The following FNBP1 variants were observed in gnomAD, a reference collection of about 807,000 sequenced individuals.
The protein encoded by FNBP1 is formin binding protein 1.
In FNBP1, 26 loss-of-function variants were observed where a neutral mutation model predicts 90.6. The ratio of observed to expected loss-of-function variants is 0.29; its 90% CI spans 0.21 to 0.40. The LOEUF (loss-of-function observed/expected upper bound fraction) is 0.40. FNBP1 is among the 10% of genes least tolerant of loss of function. The pLI, the probability that FNBP1 is intolerant of heterozygous loss-of-function variation, is 1.00. For synonymous variants in FNBP1, 260 were observed against 265.2 expected (o/e 0.98, Z 0.19); for missense variants, 635 against 768.0 (o/e 0.83, Z 2.05).
Position 130,043,020 on chromosome 9 carries a change from C to T in FNBP1, c.-45G>A, listed in dbSNP as rs2059982033. The T allele has an allele frequency of 8.2e-7, 1 of 1,223,934 alleles. No homozygotes were observed. The highest frequency in any genetic ancestry group is 1.6e-5 in the African/African-American group (1 of 63,956). The allele number at this position is 1,223,934 out of a possible 1,614,324, so 75.8% of individuals were successfully genotyped here. A position where few individuals can be genotyped will look rare whatever the true frequency, so the allele number is the denominator to read the frequency against. On this transcript the variant is annotated 5_prime_UTR_variant, in exon 1 of 17. Transcript: ENST00000446176. ...GGCGCTCCGCGCGGCGGGCGCGGCT[C>T]TCTGGTCCCCCTCCCCGGCGATCCC... is the stretch of plus-strand genomic sequence containing the variant.
intron 4 of FNBP1, among the ~76,000 whole-genome samples, chr9:129,959,515 G>A (rs2047472677): frequency 6.6e-6 from 1 of 152,070 alleles, no homozygotes; most frequent in Non-Finnish European, 1.5e-5. Flanking sequence ...CTTGAACCTG[G>A]GAGGCAGAGG....
chr9:130,044,384 G>A (rs867088483), upstream of FNBP1, among the ~76,000 whole-genome samples: 2 of 152,062 alleles, frequency 1.3e-5, no homozygotes, highest in Admixed American at 6.6e-5. Context: ...AGCACATCAG[G>A]AGGCCCAGGT....
intron 8 of FNBP1, 132 bp from the exon 9 acceptor site, chr9:129,925,289 G>A (rs948186191): frequency 6.0e-6 from 4 of 662,500 alleles, no homozygotes; most frequent in Admixed American, 2.7e-5. Flanking sequence ...GGTGGATCAC[G>A]AGGTCAGGAG....
intron 13 of FNBP1, among the ~76,000 whole-genome samples, chr9:129,902,536 G>A (rs1564273652): frequency 6.6e-6 from 1 of 152,158 alleles, no homozygotes; most frequent in African/African-American, 2.4e-5. Flanking sequence ...AGGCTGCAGT[G>A]AGCTACAAGC....
intron 1 of FNBP1, among the ~76,000 whole-genome samples, chr9:130,012,116 G>C (rs1204981239): frequency 4.6e-5 from 7 of 152,220 alleles, no homozygotes; most frequent in Non-Finnish European, 8.8e-5. Context: ...TTTGATTTAG[G>C]ATAGATGTAG....
Position 129,973,746 on chromosome 9 carries a change from G to T in FNBP1, c.345+4719C>A, listed in dbSNP as rs373604313. Among the ~76,000 whole-genome samples, 8 of 148,760 alleles carry T rather than the reference G, an allele frequency of 5.4e-5. No homozygotes were observed. The East Asian group carries it at 6.0e-4, about 11-fold the overall frequency. ...TCTCGATCTCCTGACCTCATGATCC[G>T]CCTGCCTTGGCCTCCCAAAGTGCTG... On this transcript the variant is annotated intron_variant, in intron 4 of 16. Transcript: ENST00000446176.
At chr9:130,039,082 T>C (rs1261643149) in intron 1 of FNBP1, among the ~76,000 whole-genome samples, 1 of 152,208 alleles carries the variant, frequency 6.6e-6, no homozygotes, top group Non-Finnish European at 1.5e-5. Flanking sequence ...GTGAACATAT[T>C]TACCTTACTA....
chr9:130,009,567 C>G (rs1200345822), intron 1 of FNBP1, among the ~76,000 whole-genome samples: 1 of 151,942 alleles, frequency 6.6e-6, no homozygotes, highest in African/African-American at 2.4e-5. Context: ...CTTCAGGAGA[C>G]CAAGGCGGGC....
chr9:130,050,536 C>T, the FNBP1 span, among the ~76,000 whole-genome samples: 1 of 151,958 alleles, frequency 6.6e-6, no homozygotes, highest in African/African-American at 2.4e-5. Context: ...TGTTTCAAGC[C>T]AAAGAATGAA....
Position 129,939,421 on chromosome 9 carries a change from CAT to C in FNBP1, c.514-9728_514-9727del, listed in dbSNP as rs1405109775. ...TAAAAAAATCTTGCATATGTTATCA[CAT>C]GTTATTCAGTAATATACTGTCAATG... is the stretch of plus-strand genomic sequence containing the variant. On this transcript the variant is annotated intron_variant, in intron 6 of 16. Coordinates refer to ENST00000446176, the MANE Select transcript of FNBP1 (RefSeq NM_015033.3). Among the ~76,000 whole-genome samples, 8 of 152,042 alleles carry C rather than the reference CAT, an allele frequency of 5.3e-5. No individual in the cohort carries two copies. In the East Asian group the frequency reaches 1.5e-3, roughly 29 times the overall value.
intron 12 of FNBP1, among the ~76,000 whole-genome samples, chr9:129,907,609 GTGTGTGTGTGTGT>G (rs2038377715): frequency 1.3e-5 from 2 of 151,494 alleles, no homozygotes; most frequent in Non-Finnish European, 3.0e-5. Context: ...GTGTGTGTGT[GTGTGTGTGTGTGT>G]GTGTTATTTG....
At chr9:129,919,218 C>A (rs757401120) in intron 10 of FNBP1, 2 of 1,301,678 alleles carry the variant, frequency 1.5e-6, no homozygotes, top group South Asian at 1.2e-5. Context: ...TTCATGAGTT[C>A]TTTGTGAAAA....
chr9:130,017,649 G>A (rs570181806), intron 1 of FNBP1, among the ~76,000 whole-genome samples: 3 of 151,978 alleles, frequency 2.0e-5, no homozygotes, highest in Admixed American at 6.5e-5. Flanking sequence ...GGCCAACATC[G>A]CGAAACCCAG....
At chr9:130,013,659 A>G (rs1370350475) in intron 1 of FNBP1, 2 of 455,472 alleles carry the variant, frequency 4.4e-6, no homozygotes, top group African/African-American at 2.0e-5. Flanking sequence ...TTATAGCAGC[A>G]TAATTCATGC....
rs2059989944 is a variant in FNBP1, at chr9:130,043,118, G to A, written c.-143C>T. 3.1e-6 allele frequency: 2 copies of A among 644,962 alleles called. No individual in the cohort carries two copies. Among genetic ancestry groups the A allele is most frequent in the South Asian group, 8.1e-5 (1 of 12,374 alleles). 40.0% of individuals were successfully genotyped at this position (644,962 alleles called of 1,614,324 possible). A position where few individuals can be genotyped will look rare whatever the true frequency, so the allele number is the denominator to read the frequency against. ...GGCCTCCTCCGGCTCGCAGCTCCTCGCCCGGGGTCTCCTCGGCGGCTCCTC... is the reference window on the plus strand; with the variant it reads ...GGCCTCCTCCGGCTCGCAGCTCCTCACCCGGGGTCTCCTCGGCGGCTCCTC... On this transcript the variant is annotated 5_prime_UTR_variant, in exon 1 of 17. Coordinates refer to ENST00000446176, the MANE Select transcript of FNBP1 (RefSeq NM_015033.3).
chr9:129,989,389 C>T (rs923631463), intron 2 of FNBP1, among the ~76,000 whole-genome samples: 1 of 152,168 alleles, frequency 6.6e-6, no homozygotes, highest in Non-Finnish European at 1.5e-5. Flanking sequence ...ATCTCATCAG[C>T]TCTCACAGGC....
intron 16 of FNBP1, chr9:129,895,285 A>G: frequency 9.4e-7 from 1 of 1,059,188 alleles, no homozygotes; most frequent in Non-Finnish European, 1.1e-6. Context: ...TAAGAATCTT[A>G]TTTACTGCTT....
intron 6 of FNBP1, among the ~76,000 whole-genome samples, chr9:129,947,311 G>T (rs1175019710): frequency 6.6e-6 from 1 of 151,758 alleles, no homozygotes; most frequent in East Asian, 1.9e-4. Flanking sequence ...GTGGTGGCAG[G>T]CGCCTGTAAT....
chr9:130,048,252 G>A, the FNBP1 span, among the ~76,000 whole-genome samples: 2 of 140,104 alleles, frequency 1.4e-5, no homozygotes, highest in Non-Finnish European at 3.0e-5. Context: ...GGAGGCAGAG[G>A]TTGTAGTGAG....
Sources: allele counts gnomAD v4.1 joint callset (sites outside exome capture counted in the v4.1 genomes callset), GRCh38; gene constraint gnomAD v4.1.1; transcripts MANE v1.5; gene names NCBI Gene and HGNC (gene_info 2026-07-23, HGNC 2026-07-21).